The following SRGAP3 variants were observed in gnomAD, a reference collection of about 807,000 sequenced individuals.
SRGAP3 encodes SLIT-ROBO Rho GTPase activating protein 3, also known as SLIT-ROBO Rho GTPase-activating protein 3.
SRGAP3 carries 39 observed loss-of-function variants against 121.1 expected under a neutral mutation model. The observed-to-expected ratio is 0.32, with a 90% confidence interval of 0.25 to 0.42. SRGAP3 has a LOEUF of 0.42. Among genes scored for constraint, SRGAP3 ranks in the 10% least tolerant of loss-of-function variants. The pLI is 1.00. For missense variants in SRGAP3, 1,213 were observed against 1,470.6 expected, an observed-to-expected ratio of 0.82 and a Z score of 2.86; for synonymous variants, 601 against 570.0, an observed-to-expected ratio of 1.05 and a Z score of -0.77.
intron 1 of SRGAP3, among the ~76,000 whole-genome samples, chr3:9,175,247 T>G (rs759530164): frequency 1.3e-5 from 2 of 152,182 alleles, no homozygotes; most frequent in Non-Finnish European, 2.9e-5. Flanking sequence ...GCAGGCTGGT[T>G]TCTATCTCTA....
At chr3:9,027,446 G>C (rs556294718) in intron 12 of SRGAP3, among the ~76,000 whole-genome samples, 12 of 152,276 alleles carry the variant, frequency 7.9e-5, no homozygotes, top group East Asian at 3.9e-4. Flanking sequence ...GGCACACCAG[G>C]GGGGAAGCAA....
intron 1 of SRGAP3, among the ~76,000 whole-genome samples, chr3:9,189,552 T>A (rs1444244418): frequency 6.6e-6 from 1 of 151,990 alleles, no homozygotes; most frequent in African/African-American, 2.4e-5. Flanking sequence ...AACTGTATCA[T>A]CTCCCATGCA....
At chr3:9,166,516 G>A (rs533951568) in intron 1 of SRGAP3, among the ~76,000 whole-genome samples, 5 of 152,204 alleles carry the variant, frequency 3.3e-5, no homozygotes, top group Middle Eastern at 3.4e-3. Flanking sequence ...TGGATGTGAC[G>A]GTGACCCAGC....
intron 21 of SRGAP3, among the ~76,000 whole-genome samples, chr3:8,986,260 G>A (rs1469402459): frequency 6.6e-6 from 1 of 152,114 alleles, no homozygotes; most frequent in African/African-American, 2.4e-5. Context: ...TCATCCCTCT[G>A]AGCCCCCAGA....
rs193299789 is a variant in SRGAP3 at position 9,169,771 on chromosome 3, A to T, written c.68-44854T>A. Among the ~76,000 whole-genome samples, 124 of 152,232 alleles carry T rather than the reference A, an allele frequency of 8.1e-4. 2 individuals carry two copies. In the South Asian group the frequency reaches 0.018, roughly 22 times the overall value. ...CCTGGAATGTTATTGCTTGCTAGAG[A>T]ATCACTAAATTGGAGTTCCCTCTGG... On this transcript the variant is annotated intron_variant, in intron 1 of 21. Coordinates refer to ENST00000383836, the MANE Select transcript of SRGAP3 (RefSeq NM_014850.4).
intron 1 of SRGAP3, among the ~76,000 whole-genome samples, chr3:9,232,614 C>A (rs930488685): frequency 4.6e-5 from 7 of 152,102 alleles, no homozygotes; most frequent in Admixed American, 3.9e-4. Flanking sequence ...ATTAAATGTT[C>A]TTTTGCTTTC....
chr3:9,338,664 G>T (rs1955731401), intron 1 of SRGAP3, among the ~76,000 whole-genome samples: 1 of 152,178 alleles, frequency 6.6e-6, no homozygotes, highest in South Asian at 2.1e-4. Flanking sequence ...TTTAATTATA[G>T]TCATTCCTGA....
chr3:9,283,376 A>G (rs1216683977), intron 3 of SRGAP3, among the ~76,000 whole-genome samples: 9 of 152,248 alleles, frequency 5.9e-5, no homozygotes, highest in Non-Finnish European at 1.3e-4. Flanking sequence ...ATTTTGTAAC[A>G]TCATGCATTG....
chr3:9,265,916 T>C (rs12432796), intron 3 of SRGAP3, among the ~76,000 whole-genome samples: 2 of 152,178 alleles, frequency 1.3e-5, no homozygotes, highest in East Asian at 3.8e-4. Flanking sequence ...TAAAGACACA[T>C]GCACACGTAT....
At chr3:9,237,861 T>G (rs1325698877) in intron 1 of SRGAP3, among the ~76,000 whole-genome samples, 1 of 152,124 alleles carries the variant, frequency 6.6e-6, no homozygotes, top group Non-Finnish European at 1.5e-5. Flanking sequence ...ATGGCCAGAT[T>G]TAAATGGTGT....
chr3:9,005,537 T>C (rs1303645079), intron 18 of SRGAP3, among the ~76,000 whole-genome samples: 5 of 152,188 alleles, frequency 3.3e-5, no homozygotes, highest in African/African-American at 7.2e-5. Context: ...TGTCCATCAA[T>C]TGACAAATGG....
rs374222241 is a variant in SRGAP3 at position 8,985,549 on chromosome 3, G to A, written c.3270C>T (p.Asn1090=). 21 of 1,598,914 alleles carry A rather than the reference G, an allele frequency of 1.3e-5. No homozygotes were observed. The highest frequency in any genetic ancestry group is 2.7e-5 in the African/African-American group (2 of 74,884). The part of the protein sequence containing the change: ...AVTPTEKMFP[N]SSADKSGTM ...TGGTGCCCGACTTGTCCGCTGAGCT[G>A]TTGGGGAACATCTTCTCGGTGGGCG... The change falls in exon 22 of 22, where the codon AAC becomes AAT. Residue 1090 remains asparagine, a synonymous_variant. Coordinates refer to ENST00000383836, the MANE Select transcript of SRGAP3 (RefSeq NM_014850.4). This position sits in a 1 kb window ranked among gnomAD's most constrained non-coding sequence, Gnocchi z 5.1.
intron 1 of SRGAP3, among the ~76,000 whole-genome samples, chr3:9,214,595 T>C (rs528881757): frequency 1.3e-5 from 2 of 152,292 alleles, no homozygotes; most frequent in South Asian, 4.1e-4. Flanking sequence ...TAGGAAGCTA[T>C]GAAACCATTT....
rs138156509 is a variant in SRGAP3 at position 9,269,104 on chromosome 3, T to G, written n.442+56906A>C. On this transcript the variant is annotated intron_variant and non_coding_transcript_variant, in intron 3 of 3. Transcript: ENST00000490889. ...GCAAGTCACTTCCCCAATCTCTGGG[T>G]GCTCACAGGTCATATCTTGAAAGGT... Among the ~76,000 whole-genome samples, 539 of 152,292 alleles carry G rather than the reference T, an allele frequency of 3.5e-3. 5 individuals carry two copies. Among genetic ancestry groups the G allele is most frequent in the African/African-American group, 0.012 (509 of 41,568 alleles).
intron 1 of SRGAP3, among the ~76,000 whole-genome samples, chr3:9,246,436 C>G (rs1451141021): frequency 6.6e-6 from 1 of 152,142 alleles, no homozygotes; most frequent in African/African-American, 2.4e-5. Context: ...GCTGCCAGTC[C>G]CCCCACAAAA....
intron 1 of SRGAP3, among the ~76,000 whole-genome samples, chr3:9,128,263 TG>T (rs1949315242): frequency 6.6e-6 from 1 of 152,242 alleles, no homozygotes; most frequent in South Asian, 2.1e-4. Flanking sequence ...TGTAAAATAA[TG>T]TTATTTTGAT....
At chr3:9,212,603 T>C (rs1454636345) in intron 1 of SRGAP3, among the ~76,000 whole-genome samples, 1 of 152,042 alleles carries the variant, frequency 6.6e-6, no homozygotes, top group Non-Finnish European at 1.5e-5. Context: ...TAATCCCAGC[T>C]ACTCGGGAGG....
In SRGAP3 at chr3:9,283,349, A is replaced by G. The variant is rs540334040; in HGVS notation, n.442+42661T>C. On this transcript the variant is annotated intron_variant and non_coding_transcript_variant, in intron 3 of 3. Transcript: ENST00000490889. ...TTGGCCTATCATGTACTTTGAATGG[A>G]TTTTTTCTTATGCATGATTTTGTAA... Among the ~76,000 whole-genome samples the G allele has an allele frequency of 9.2e-5, 14 of 152,190 alleles. No homozygotes were observed. In the South Asian group the frequency reaches 1.5e-3, roughly 16 times the overall value.
intron 11 of SRGAP3, chr3:9,037,413 T>C (rs1944799729): frequency 6.5e-6 from 1 of 152,730 alleles, no homozygotes; most frequent in Non-Finnish European, 1.5e-5. Flanking sequence ...AGCTGCTGAG[T>C]GGAAAGTGTT....
Sources: allele counts gnomAD v4.1 joint callset (sites outside exome capture counted in the v4.1 genomes callset), GRCh38; gene constraint gnomAD v4.1.1; non-coding constraint Gnocchi (gnomAD v3.1); transcripts MANE v1.5; gene names NCBI Gene and HGNC (gene_info 2026-07-23, HGNC 2026-07-21).